The following FSIP2 variants were observed in gnomAD, a reference collection of about 807,000 sequenced individuals.
FSIP2 encodes the protein fibrous sheath interacting protein 2.
A neutral mutation model predicts 510.5 loss-of-function variants in FSIP2; 367 were observed. That is an observed-to-expected ratio of 0.72 (90% CI 0.66 to 0.78). The LOEUF is 0.78. Among genes scored for constraint, FSIP2 ranks in the 30% least tolerant of loss-of-function variants. The pLI is 0.00. For missense variants in FSIP2, 7,594 were observed against 7,901.7 expected (o/e 0.96, Z 1.48); for synonymous variants, 2,601 against 2,732.2 (o/e 0.95, Z 1.50).
intron 22 of FSIP2, among the ~76,000 whole-genome samples, chr2:185,832,805 A>G (rs1406607703): frequency 6.6e-6 from 1 of 151,920 alleles, no homozygotes; most frequent in Non-Finnish European, 1.5e-5. Flanking sequence ...CTTTCTCTTG[A>G]GCATTCTGAA....
Position 185,789,434 on chromosome 2 carries a change from A to G in FSIP2, c.2298A>G (p.Leu766=). ...TTGTGGAAAATATGCTTGAGAAGTT[A>G]GAGTCTGCAGTTGAGAAAAAATGTG... The part of the protein sequence containing the change: ...SEIVENMLEK[L]ESAVEKKCVE... The change falls in exon 16 of 23, where the codon TTA becomes TTG. Residue 766 remains leucine, a synonymous_variant. Transcript: ENST00000424728. The G allele has an allele frequency of 3.3e-6, 5 of 1,534,808 alleles. No individual in the cohort carries two copies. Among genetic ancestry groups the G allele is most frequent in the Non-Finnish European group, 4.4e-6 (5 of 1,145,888 alleles).
At position 185,826,588 on chromosome 2, in the gene FSIP2, C is replaced by T. The variant is rs972790563; in HGVS notation, c.20474-1568C>T. 1.3e-4 allele frequency among the ~76,000 whole-genome samples: 19 copies of T among 151,750 alleles called. No individual in the cohort carries two copies. The Admixed American group carries it at 1.3e-3, about 10-fold the overall frequency. ...CTACCTATCCCAGTTCTTTGCTTTA[C>T]TGGATAAAACTTTCTGTTATACTGT... On this transcript the variant is annotated intron_variant, in intron 20 of 22. Transcript: ENST00000424728.
intron 7 of FSIP2, among the ~76,000 whole-genome samples, chr2:185,748,375 C>A (rs1307513986): frequency 6.6e-6 from 1 of 151,648 alleles, no homozygotes; most frequent in African/African-American, 2.4e-5. Context: ...CTCCTGAGCT[C>A]AAATGATTCT....
Position 185,809,045 on chromosome 2 carries a change from C to T in FSIP2, c.19739C>T (p.Ser6580Phe). The part of the protein sequence containing the change: ...RRASISGRNY[S>F]LGSPDLEKRK... ...GCATCAATAAGTGGGAGAAATTACT[C>T]CTTAGGATCACCTGATTTAGAAAAG... Residue 6580 changes from serine (S) to phenylalanine (F), a missense_variant, in exon 17 of 23, where the codon TCC (serine) becomes TTC (phenylalanine). Physicochemically the swap from Ser to Phe is radical, Grantham distance 155 (BLOSUM62 -2). Transcript: ENST00000424728. The T allele has an allele frequency of 6.2e-7, 1 of 1,610,946 alleles. No individual in the cohort carries two copies. Among genetic ancestry groups the T allele is most frequent in the East Asian group, 2.2e-5 (1 of 44,666 alleles).
chr2:185,739,218 C>A (rs985949304), intron 1 of FSIP2, 128 bp from the exon 2 acceptor site: 2 of 1,186,316 alleles, frequency 1.7e-6, no homozygotes, highest in Non-Finnish European at 2.3e-6. Flanking sequence ...AACGGGAGGA[C>A]TTCAGGATGC....
chr2:185,748,407 G>A (rs1277748230), intron 7 of FSIP2, among the ~76,000 whole-genome samples: 1 of 151,548 alleles, frequency 6.6e-6, no homozygotes, highest in Admixed American at 6.6e-5. Flanking sequence ...CTCCTGAAGG[G>A]CTGGGATTAC....
At chr2:185,830,043 T>C (rs1038661600) in intron 21 of FSIP2, among the ~76,000 whole-genome samples, 15 of 151,814 alleles carry the variant, frequency 9.9e-5, no homozygotes, top group Non-Finnish European at 1.8e-4. Flanking sequence ...ACAAAAATTT[T>C]AAAAACAGAA....
chr2:185,777,460 TA>T (rs1236263651), intron 13 of FSIP2, among the ~76,000 whole-genome samples: 1 of 150,058 alleles, frequency 6.7e-6, no homozygotes, highest in Non-Finnish European at 1.5e-5. Context: ...AATAAAGTGG[TA>T]AAAGTGGGCT....
At position 185,803,494 on chromosome 2, in the gene FSIP2, ATAAC is replaced by A. The variant is rs1168548364; in HGVS notation, c.14192_14195del (p.Thr4731IlefsTer17). On this transcript the variant is annotated frameshift_variant, in exon 17 of 23. Transcript: ENST00000424728. LOFTEE classifies it high-confidence loss of function. ...TGACACAAAGACATTGGCTGCAAGA[ATAAC>A]TAATATCATCCTGGCTGAAATTTTT... is the stretch of plus-strand genomic sequence containing the variant. 13 of 1,530,940 alleles carry A rather than the reference ATAAC, an allele frequency of 8.5e-6. No individual in the cohort carries two copies. In the East Asian group the frequency reaches 2.2e-4, roughly 26 times the overall value. The allele number at this position is 1,530,940 out of a possible 1,614,324, so 94.8% of individuals were successfully genotyped here. A position where few individuals can be genotyped will look rare whatever the true frequency, so the allele number is the denominator to read the frequency against.
chr2:185,822,854 G>T (rs932006588), intron 19 of FSIP2, among the ~76,000 whole-genome samples: 2 of 151,786 alleles, frequency 1.3e-5, no homozygotes, highest in African/African-American at 4.8e-5. Context: ...TATAAAGACA[G>T]ACTTATAAAG....
In FSIP2 at chr2:185,789,588, G is replaced by T. The variant is rs901445186; in HGVS notation, c.2452G>T (p.Asp818Tyr). The part of the protein sequence containing the change: ...SMPHTLDPMC[D>Y]IAEDMVHAIL... ...GCCTCATACTTTGGACCCAATGTGT[G>T]ATATTGCAGAGGACATGGTGCATGC... Residue 818 changes from aspartate to tyrosine, a missense_variant, in exon 16 of 23, where the codon GAT becomes TAT. Transcript: ENST00000424728. 6.5e-7 allele frequency: 1 copy of T among 1,534,810 alleles called. No individual in the cohort carries two copies. Among genetic ancestry groups the T allele is most frequent in the African/African-American group, 1.4e-5 (1 of 72,938 alleles).
Position 185,801,334 on chromosome 2 carries a change from T to C in FSIP2, c.12028T>C (p.Phe4010Leu). 2.0e-6 allele frequency: 3 copies of C among 1,534,058 alleles called. No individual in the cohort carries two copies. The highest frequency in any genetic ancestry group is 1.4e-5 in the African/African-American group (1 of 72,988). Residue 4010 changes from phenylalanine to leucine, a missense_variant, in exon 17 of 23, where the codon TTT becomes CTT. Transcript: ENST00000424728. Reference sequence around the variant, plus strand: ...CTGGCTCAATGAGATGAATACATTATTTGTCAACAATGTAGTGAATGAATT... The same window carrying C: ...CTGGCTCAATGAGATGAATACATTACTTGTCAACAATGTAGTGAATGAATT... ...VSWLNEMNTL[F>L]VNNVVNEFNN...
chr2:185,791,985 A>G lies in FSIP2; in HGVS notation c.4849A>G (p.Ile1617Val). ...INDGNKKSNK[I>V]GWEYESTNIS... Reference sequence around the variant, plus strand: ...TGATGGAAATAAGAAAAGCAATAAGATAGGCTGGGAATATGAAAGCACCAA... The same window carrying G: ...TGATGGAAATAAGAAAAGCAATAAGGTAGGCTGGGAATATGAAAGCACCAA... The change falls in exon 16 of 23, where the codon ATA becomes GTA. Residue 1617 changes from isoleucine to valine, a missense_variant. By Grantham distance (29) the Ile-to-Val change is conservative. Coordinates refer to ENST00000424728, the MANE Select transcript of FSIP2 (RefSeq NM_173651.4). 6.5e-7 allele frequency: 1 copy of G among 1,533,944 alleles called. No individual in the cohort carries two copies. Among genetic ancestry groups the G allele is most frequent in the African/African-American group, 1.4e-5 (1 of 72,972 alleles).
rs1449286927 is a variant in FSIP2 at position 185,802,183 on chromosome 2, C to G, written c.12877C>G (p.His4293Asp). ...TQVLSEVIESHRPQKQSPLDI... is the reference protein window; with the variant it reads ...TQVLSEVIESDRPQKQSPLDI... Reference sequence around the variant, plus strand: ...GGTTCTGAGTGAAGTGATAGAGTCACACAGACCTCAGAAGCAATCACCTTT... The same window carrying G: ...GGTTCTGAGTGAAGTGATAGAGTCAGACAGACCTCAGAAGCAATCACCTTT... Residue 4293 changes from histidine (H) to aspartate (D), a missense_variant, in exon 17 of 23, where the codon CAC (histidine) becomes GAC (aspartate). Coordinates refer to ENST00000424728, the MANE Select transcript of FSIP2 (RefSeq NM_173651.4). The G allele has an allele frequency of 5.2e-6, 8 of 1,533,238 alleles. No homozygotes were observed. The Admixed American group carries it at 5.9e-5, about 11-fold the overall frequency. The allele number at this position is 1,533,238 out of a possible 1,614,324, so 95.0% of individuals were successfully genotyped here. A position where few individuals can be genotyped will look rare whatever the true frequency, so the allele number is the denominator to read the frequency against.
At position 185,804,533 on chromosome 2, in the gene FSIP2, G is replaced by A. The variant is rs779841428; in HGVS notation, c.15227G>A (p.Gly5076Glu). The A allele has an allele frequency of 2.0e-6, 3 of 1,519,004 alleles. No homozygotes were observed. 94.1% of individuals were successfully genotyped at this position (1,519,004 alleles called of 1,614,324 possible). A position where few individuals can be genotyped will look rare whatever the true frequency, so the allele number is the denominator to read the frequency against. The change falls in exon 17 of 23, where the codon GGA becomes GAA. Residue 5076 changes from glycine to glutamate, a missense_variant. Physicochemically the swap from Gly to Glu is moderately conservative, Grantham distance 98. Transcript: ENST00000424728. ...TATCAAGTGCAGTCATTAGTTTCAG[G>A]AGAATTAGAGTCTTCTTCTTATTCG... is the stretch of plus-strand genomic sequence containing the variant. ...YDYQVQSLVS[G>E]ELESSSYSYP...
chr2:185,763,035 T>C, intron 11 of FSIP2, 148 bp from the exon 12 acceptor site: 2 of 571,194 alleles, frequency 3.5e-6, no homozygotes, highest in South Asian at 4.5e-5. Context: ...AGATATTTCC[T>C]TGACTCAAAT....
Position 185,803,931 on chromosome 2 carries a change from T to C in FSIP2, c.14625T>C (p.Asn4875=), listed in dbSNP as rs935106640. The change falls in exon 17 of 23, where the codon AAT becomes AAC. Residue 4875 remains asparagine, a synonymous_variant. Coordinates refer to ENST00000424728, the MANE Select transcript of FSIP2 (RefSeq NM_173651.4). ...TTTATGCTGATCTTTCTCATTCAAATATATACCAGTCCATTACAAAAGATA... is the reference window on the plus strand; with the variant it reads ...TTTATGCTGATCTTTCTCATTCAAACATATACCAGTCCATTACAAAAGATA... ...DSIYADLSHS[N]IYQSITKDKK... is the part of the protein sequence containing the mutation. The C allele has an allele frequency of 3.2e-5, 48 of 1,519,608 alleles. No homozygotes were observed. Among genetic ancestry groups the C allele is most frequent in the Non-Finnish European group, 4.1e-5 (46 of 1,135,158 alleles). 94.1% of individuals were successfully genotyped at this position (1,519,608 alleles called of 1,614,324 possible).
chr2:185,788,933 A>C lies in FSIP2; in HGVS notation c.1797A>C (p.Ile599=). 6.5e-7 allele frequency: 1 copy of C among 1,535,102 alleles called. No homozygotes were observed. Among genetic ancestry groups the C allele is most frequent in the Non-Finnish European group, 8.7e-7 (1 of 1,146,072 alleles). Residue 599 remains isoleucine (I), a synonymous_variant, in exon 16 of 23, where the codon ATA becomes ATC. Transcript: ENST00000424728. ...CAGTAAGGAGACCAACCACACCTAT[A>C]AAACCTCCTCCTGCACATGTGGAAA... ...DTSVRRPTTP[I]KPPPAHVEKT...
chr2:185,830,643 T>A (rs553730437), intron 21 of FSIP2, among the ~76,000 whole-genome samples: 1 of 152,072 alleles, frequency 6.6e-6, no homozygotes, highest in South Asian at 2.1e-4. Flanking sequence ...ATTTATGGAA[T>A]AATGACAAGA....
Sources: allele counts gnomAD v4.1 joint callset (sites outside exome capture counted in the v4.1 genomes callset), GRCh38; gene constraint gnomAD v4.1.1; transcripts MANE v1.5; gene names NCBI Gene and HGNC (gene_info 2026-07-23, HGNC 2026-07-21).